MAML2: variants seen among roughly 807,000 people sequenced by gnomAD.
MAML2 encodes mastermind like transcriptional coactivator 2, also known as mastermind-like protein 2.
MAML2 carries 22 observed loss-of-function variants against 96.1 expected under a neutral mutation model. The observed-to-expected ratio is 0.23, with a 90% CI of 0.16 to 0.33. The LOEUF (loss-of-function observed/expected upper bound fraction) is 0.33. Ranked by LOEUF, MAML2 falls within the 10% of genes least tolerant of loss-of-function variation. The pLI is 1.00. For missense variants in MAML2, 1,367 were observed against 1,392.4 expected (o/e 0.98, Z 0.29); for synonymous variants, 561 against 521.3 (o/e 1.08, Z -1.04).
chr11:96,138,221 A>G (rs1860668096), intron 1 of MAML2, among the ~76,000 whole-genome samples: 3 of 152,220 alleles, frequency 2.0e-5, no homozygotes, highest in Admixed American at 2.0e-4. Context: ...AGAAAAATAT[A>G]CTTTCCTGTC....
At chr11:96,076,706 C>T (rs951951223) in intron 2 of MAML2, among the ~76,000 whole-genome samples, 1 of 152,188 alleles carries the variant, frequency 6.6e-6, no homozygotes, top group Non-Finnish European at 1.5e-5. Flanking sequence ...CTCCCACACC[C>T]CACAACTCAT....
At chr11:96,237,663 A>C (rs889925671) in intron 1 of MAML2, among the ~76,000 whole-genome samples, 14 of 152,230 alleles carry the variant, frequency 9.2e-5, no homozygotes, top group African/African-American at 3.1e-4. Context: ...GCAACTGCAG[A>C]CCAAACTTTT....
In MAML2 at chr11:95,998,744, G is replaced by A. The variant is rs560256844; in HGVS notation, c.2140-7021C>T. The stretch of plus-strand genomic sequence containing the variant: ...TTGGTAAATCAGGTATATGATGACC[G>A]AATCTTTTAGCTTGAGGCAAATAAA... On this transcript the variant is annotated intron_variant, in intron 2 of 4. Transcript: ENST00000524717. Among the ~76,000 whole-genome samples the A allele has an allele frequency of 7.9e-5, 12 of 152,264 alleles. No individual in the cohort carries two copies. The South Asian group carries it at 8.3e-4, about 11-fold the overall frequency.
At chr11:96,230,871 T>C (rs1008177336) in intron 1 of MAML2, among the ~76,000 whole-genome samples, 19 of 152,236 alleles carry the variant, frequency 1.2e-4, no homozygotes, top group African/African-American at 4.6e-4. Flanking sequence ...TAAGAGATCA[T>C]CACACTCACT....
chr11:96,023,651 G>C (rs1858471232), intron 2 of MAML2, among the ~76,000 whole-genome samples: 1 of 152,166 alleles, frequency 6.6e-6, no homozygotes, highest in Non-Finnish European at 1.5e-5. Flanking sequence ...GACTCCATGA[G>C]TTCTCCTAAG....
intron 1 of MAML2, among the ~76,000 whole-genome samples, chr11:96,341,003 A>G (rs1863985380): frequency 6.6e-6 from 1 of 152,164 alleles, no homozygotes; most frequent in African/African-American, 2.4e-5. Flanking sequence ...GGGCTGAAAA[A>G]TGGCTTGGGG....
intron 1 of MAML2, among the ~76,000 whole-genome samples, chr11:96,333,770 G>A (rs763221516): frequency 4.6e-5 from 7 of 152,280 alleles, no homozygotes; most frequent in African/African-American, 7.2e-5. Context: ...AGTAGGAAGC[G>A]TCTAACCTTT....
chr11:96,090,405 AG>A (rs1448624103), intron 2 of MAML2, among the ~76,000 whole-genome samples: 1 of 152,138 alleles, frequency 6.6e-6, no homozygotes, highest in Non-Finnish European at 1.5e-5. Context: ...ATACACTCCT[AG>A]GAGATTTTCT....
In MAML2 at chr11:96,341,846, GC is replaced by G; in HGVS notation, c.49del (p.Ala17ProfsTer36). The G allele has an allele frequency of 1.9e-6, 3 of 1,560,730 alleles. No homozygotes were observed. Among genetic ancestry groups the G allele is most frequent in the Non-Finnish European group, 2.6e-6 (3 of 1,157,004 alleles). On this transcript the variant is annotated frameshift_variant, in exon 1 of 5. Transcript: ENST00000524717. LOFTEE classifies it high-confidence loss of function. ...CCCTCCAAGGAGCCCCGCCCCAGAG[GC>G]CCCCCCTAGCCCTCCTGCGGGGGCC... ...PQAPAGGLGG[A>X]SGAGLLGGGS...
At chr11:96,151,585 C>G (rs115535370) in intron 1 of MAML2, among the ~76,000 whole-genome samples, 22 of 152,254 alleles carry the variant, frequency 1.4e-4, no homozygotes, top group African/African-American at 5.3e-4. Flanking sequence ...TGGTTTAGCA[C>G]GAACTCCTCA....
intron 2 of MAML2, among the ~76,000 whole-genome samples, chr11:96,028,911 TA>T (rs1297560021): frequency 6.6e-6 from 1 of 152,184 alleles, no homozygotes; most frequent in Non-Finnish European, 1.5e-5. Flanking sequence ...CCATTTTTTT[TA>T]AAATAAGGCT....
chr11:96,101,512 C>T (rs1450912712), intron 1 of MAML2, among the ~76,000 whole-genome samples: 1 of 152,156 alleles, frequency 6.6e-6, no homozygotes, highest in Non-Finnish European at 1.5e-5. Flanking sequence ...GACTCAACTG[C>T]CAATAAACCT....
chr11:96,204,753 CAG>C (rs965164573), intron 1 of MAML2, among the ~76,000 whole-genome samples: 1 of 152,152 alleles, frequency 6.6e-6, no homozygotes, highest in Non-Finnish European at 1.5e-5. Flanking sequence ...CACTTAGTAG[CAG>C]AGAGAGAGGA....
intron 1 of MAML2, among the ~76,000 whole-genome samples, chr11:96,126,993 T>C (rs1860450395): frequency 6.6e-6 from 1 of 152,170 alleles, no homozygotes; most frequent in Non-Finnish European, 1.5e-5. Context: ...CAGGCTGCCA[T>C]AGAACACAGT....
intron 1 of MAML2, among the ~76,000 whole-genome samples, chr11:96,204,764 G>A (rs988774287): frequency 6.6e-6 from 1 of 152,202 alleles, no homozygotes; most frequent in African/African-American, 2.4e-5. Context: ...AGAGAGAGAG[G>A]ACAAGGACTC....
At chr11:96,154,973 G>A (rs751944164) in intron 1 of MAML2, among the ~76,000 whole-genome samples, 19 of 152,274 alleles carry the variant, frequency 1.2e-4, no homozygotes, top group Non-Finnish European at 2.5e-4. Flanking sequence ...TGTGCCAGAC[G>A]TGTGCTGGGT....
At chr11:96,274,239 C>T (rs777337335) in intron 1 of MAML2, among the ~76,000 whole-genome samples, 1 of 152,028 alleles carries the variant, frequency 6.6e-6, no homozygotes, top group Non-Finnish European at 1.5e-5. Flanking sequence ...CCCGCTACCA[C>T]GCCCTGCTAA....
At chr11:96,041,011 T>C (rs1211715569) in intron 2 of MAML2, among the ~76,000 whole-genome samples, 3 of 152,226 alleles carry the variant, frequency 2.0e-5, no homozygotes, top group Non-Finnish European at 4.4e-5. Flanking sequence ...TTGTGATTGC[T>C]GTAGAGTATG....
chr11:96,016,435 C>A lies in MAML2; in HGVS notation c.2140-24712G>T, dbSNP rs1590963270. ...GGTGGTGATCAGATTACCAGATTAC[C>A]ACTTGCATCAGATTCAACACCCTTG... is the stretch of plus-strand genomic sequence containing the variant. On this transcript the variant is annotated intron_variant, in intron 2 of 4. Coordinates refer to ENST00000524717, the MANE Select transcript of MAML2 (RefSeq NM_032427.4). Among the ~76,000 whole-genome samples the A allele has an allele frequency of 2.0e-5, 3 of 152,122 alleles. No homozygotes were observed. The South Asian group carries it at 6.2e-4, about 32-fold the overall frequency.
Sources: gnomAD v4.1 joint callset for allele counts (sites outside exome capture counted in the v4.1 genomes callset) on GRCh38, gnomAD v4.1.1 for gene constraint, MANE v1.5 for transcripts, NCBI Gene and HGNC (gene_info 2026-07-23, HGNC 2026-07-21) for gene names.